Variants in CNTNAP5 observed in about 807,000 individuals in gnomAD.
The protein encoded by CNTNAP5 is contactin associated protein family member 5, also known as contactin-associated protein-like 5.
In CNTNAP5, 72 loss-of-function variants were observed where a neutral mutation model predicts 150.2. The observed-to-expected ratio is 0.48, with a 90% CI of 0.40 to 0.58. The LOEUF is 0.58. Among genes scored for constraint, CNTNAP5 ranks in the 20% least tolerant of loss-of-function variants. The pLI is 0.00. For missense variants in CNTNAP5, 1,636 were observed against 1,626.2 expected (o/e 1.01, Z -0.10); for synonymous variants, 672 against 619.8 (o/e 1.08, Z -1.25).
At chr2:124,344,637 T>A (rs1165062881) in intron 3 of CNTNAP5, among the ~76,000 whole-genome samples, 1 of 152,112 alleles carries the variant, frequency 6.6e-6, no homozygotes, top group Non-Finnish European at 1.5e-5. Context: ...GCACTTGTAG[T>A]TCCAGCTCCT....
At chr2:124,465,460 A>G (rs995639971) in intron 6 of CNTNAP5, among the ~76,000 whole-genome samples, 4 of 152,220 alleles carry the variant, frequency 2.6e-5, no homozygotes, top group African/African-American at 9.6e-5. Flanking sequence ...AAAAGTAAGA[A>G]AAGAAAGAGA....
chr2:124,455,354 A>C (rs537881878), intron 6 of CNTNAP5, among the ~76,000 whole-genome samples: 129 of 152,268 alleles, frequency 8.5e-4, no homozygotes, highest in African/African-American at 2.9e-3. Flanking sequence ...CATCAGGAAG[A>C]ATTAGATATG....
intron 7 of CNTNAP5, among the ~76,000 whole-genome samples, chr2:124,487,787 A>G (rs1349727631): frequency 6.6e-6 from 1 of 152,052 alleles, no homozygotes; most frequent in Non-Finnish European, 1.5e-5. Flanking sequence ...GACCAAGAAA[A>G]TCTAGGCTTT....
At chr2:124,244,009 TTTG>T (rs1203498207) in intron 3 of CNTNAP5, among the ~76,000 whole-genome samples, 1 of 152,148 alleles carries the variant, frequency 6.6e-6, no homozygotes, top group African/African-American at 2.4e-5. Context: ...TGTGGGATTT[TTTG>T]TTTTCTCTGG....
intron 7 of CNTNAP5, 106 bp downstream of exon 7, chr2:124,474,988 C>G: frequency 1.1e-6 from 1 of 888,348 alleles, no homozygotes. Flanking sequence ...TTATCTTATG[C>G]TCTGAGTTCC....
chr2:124,764,957 T>C (rs930661432), intron 16 of CNTNAP5, among the ~76,000 whole-genome samples: 1 of 152,126 alleles, frequency 6.6e-6, no homozygotes, highest in African/African-American at 2.4e-5. Context: ...AATTTGACAG[T>C]GACTTCATAA....
intron 13 of CNTNAP5, among the ~76,000 whole-genome samples, chr2:124,698,375 T>TACACACGCACAC (rs1679449305): frequency 1.4e-5 from 2 of 147,326 alleles, no homozygotes; most frequent in Admixed American, 1.4e-4. Flanking sequence ...GACGAGAGGA[T>TACACACGCACAC]ACACACACAC....
chr2:124,417,675 C>T lies in CNTNAP5; in HGVS notation c.529+85C>T, dbSNP rs1691961734. On this transcript the variant is annotated intron_variant, in intron 4 of 23. Transcript: ENST00000682447. ...ATCAGTTTATCTACATTGAGATTGA[C>T]AATCATCTTATTTTAAAGTTGTTTC... The T allele has an allele frequency of 3.1e-6, 4 of 1,274,976 alleles. No homozygotes were observed. The South Asian group carries it at 5.9e-5, about 19-fold the overall frequency. The allele number at this position is 1,274,976 out of a possible 1,614,324, so 79.0% of individuals were successfully genotyped here.
intron 1 of CNTNAP5, among the ~76,000 whole-genome samples, chr2:124,162,475 T>A (rs1322248725): frequency 6.6e-6 from 1 of 152,204 alleles, no homozygotes; most frequent in Non-Finnish European, 1.5e-5. Context: ...CAAAGTCCAA[T>A]GTAGCTGGCT....
chr2:124,851,747 G>A (rs930415162), intron 19 of CNTNAP5, among the ~76,000 whole-genome samples: 1 of 152,160 alleles, frequency 6.6e-6, no homozygotes, highest in Non-Finnish European at 1.5e-5. Context: ...TAGCCAATAG[G>A]TGAATGGATA....
At chr2:124,145,794 T>TA (rs759470861) in intron 1 of CNTNAP5, among the ~76,000 whole-genome samples, 573 of 29,484 alleles carry the variant, frequency 0.019, 8 homozygotes, top group African/African-American at 0.041. Flanking sequence ...TAAAGTATAA[T>TA]AAAAAAAAAA....
At chr2:124,100,420 G>GA (rs1467983967) in intron 1 of CNTNAP5, among the ~76,000 whole-genome samples, 9 of 151,982 alleles carry the variant, frequency 5.9e-5, no homozygotes, top group African/African-American at 2.2e-4. Flanking sequence ...TATGAGCTCA[G>GA]AAAAATAAAG....
intron 8 of CNTNAP5, among the ~76,000 whole-genome samples, chr2:124,513,450 A>G (rs755741243): frequency 1.3e-5 from 2 of 152,168 alleles, no homozygotes; most frequent in East Asian, 1.9e-4. Flanking sequence ...TAATATGTCT[A>G]TTTCATTGTT....
At chr2:124,455,137 T>C (rs1023292526) in intron 6 of CNTNAP5, among the ~76,000 whole-genome samples, 2 of 151,598 alleles carry the variant, frequency 1.3e-5, no homozygotes, top group African/African-American at 4.8e-5. Context: ...ATAAATAAAA[T>C]TTATAGACCA....
intron 10 of CNTNAP5, among the ~76,000 whole-genome samples, chr2:124,561,429 T>C (rs79804520): frequency 8.8e-4 from 134 of 152,198 alleles, no homozygotes; most frequent in African/African-American, 3.1e-3. Context: ...ATCTCTGAGT[T>C]ACCCAAGAGA....
chr2:124,228,568 G>A (rs540908688), intron 2 of CNTNAP5, among the ~76,000 whole-genome samples: 61 of 152,190 alleles, frequency 4.0e-4, no homozygotes, highest in African/African-American at 1.4e-3. Context: ...GATCACCCAG[G>A]AACTAGCCAA....
intron 13 of CNTNAP5, among the ~76,000 whole-genome samples, chr2:124,713,557 G>A (rs910282696): frequency 5.9e-5 from 9 of 151,640 alleles, no homozygotes; most frequent in Admixed American, 5.9e-4. Context: ...TGTATTTTTA[G>A]TAGAGACAGG....
At chr2:124,054,955 T>G (rs1387560678) in intron 1 of CNTNAP5, among the ~76,000 whole-genome samples, 1 of 152,182 alleles carries the variant, frequency 6.6e-6, no homozygotes, top group Non-Finnish European at 1.5e-5. Flanking sequence ...CTTCCATGAA[T>G]TGTGTCCCTA....
At chr2:124,300,496 C>G (rs991245231) in intron 3 of CNTNAP5, among the ~76,000 whole-genome samples, 3 of 152,072 alleles carry the variant, frequency 2.0e-5, no homozygotes, top group East Asian at 3.9e-4. Flanking sequence ...AGGCATGGAG[C>G]AGAGAATAGA....
Sources: gnomAD v4.1 joint callset for allele counts (sites outside exome capture counted in the v4.1 genomes callset) on GRCh38, gnomAD v4.1.1 for gene constraint, MANE v1.5 for transcripts, NCBI Gene and HGNC (gene_info 2026-07-23, HGNC 2026-07-21) for gene names.